Variants in NFATC1 observed in about 807,000 individuals in gnomAD.
The protein encoded by NFATC1 is nuclear factor of activated T cells 1, also known as nuclear factor of activated T-cells, cytoplasmic 1.
A neutral mutation model predicts 76.0 loss-of-function variants in NFATC1; 22 were observed. That is an observed-to-expected ratio of 0.29 (90% confidence interval 0.21 to 0.41). The LOEUF (loss-of-function observed/expected upper bound fraction) is 0.41. Among genes scored for constraint, NFATC1 ranks in the 10% least tolerant of loss-of-function variants. NFATC1 has a pLI of 1.00. For synonymous variants in NFATC1, 704 were observed against 613.1 expected (o/e 1.15, Z -2.19); for missense variants, 1,357 against 1,337.7 (o/e 1.01, Z -0.23).
At chr18:79,461,402 TC>T in intron 7 of NFATC1, 36 bp downstream of exon 7, 1 of 1,612,938 alleles carries the variant, frequency 6.2e-7, no homozygotes, top group Non-Finnish European at 8.5e-7. Flanking sequence ...CTACTGTGGG[TC>T]CCCAGGGCTT....
At chr18:79,478,155 AG>A (rs2089151468) in intron 8 of NFATC1, among the ~76,000 whole-genome samples, 1 of 124,656 alleles carries the variant, frequency 8.0e-6, no homozygotes, top group South Asian at 2.8e-4. Context: ...CCTGTGCTGC[AG>A]ACAGAGCCCC....
Position 79,464,763 on chromosome 18 carries a change from T to A in NFATC1, c.1960-2687T>A, listed in dbSNP as rs189216736. Among the ~76,000 whole-genome samples the A allele has an allele frequency of 2.9e-3, 433 of 149,392 alleles. 1 individual carries two copies. The highest frequency in any genetic ancestry group is 4.6e-3 in the Admixed American group (69 of 14,994). ...CTGTGTCATCCAGGCTGGAGTCCAG[T>A]GGCTTGATCATGGCTCACTGCAGCC... is the stretch of plus-strand genomic sequence containing the variant. On this transcript the variant is annotated intron_variant, in intron 7 of 9. Coordinates refer to ENST00000427363, the MANE Select transcript of NFATC1 (RefSeq NM_001278669.2).
intron 9 of NFATC1, among the ~76,000 whole-genome samples, chr18:79,516,647 G>A (rs2090392075): frequency 6.6e-6 from 1 of 152,178 alleles, no homozygotes; most frequent in South Asian, 2.1e-4. Flanking sequence ...ATATTTGCTT[G>A]TGAAGGAGGA....
chr18:79,521,485 G>GGA (rs2090566573), intron 9 of NFATC1, among the ~76,000 whole-genome samples: 1 of 41,262 alleles, frequency 2.4e-5, no homozygotes, highest in South Asian at 1.2e-3. Context: ...GTGTGTGGGG[G>GGA]GCATCCACTG....
intron 1 of NFATC1, among the ~76,000 whole-genome samples, chr18:79,408,839 TCATCCATC>T (rs906083008): frequency 6.6e-6 from 1 of 151,554 alleles, no homozygotes; most frequent in South Asian, 2.1e-4. Flanking sequence ...CATCCATCCA[TCATCCATC>T]CATCCATCAT....
chr18:79,477,156 T>C (rs2089107494), intron 8 of NFATC1, among the ~76,000 whole-genome samples: 1 of 152,232 alleles, frequency 6.6e-6, no homozygotes, highest in Non-Finnish European at 1.5e-5. Flanking sequence ...TTTTCTTTCA[T>C]TGTTTGAGAA....
chr18:79,487,566 G>A (rs1406379443), intron 9 of NFATC1, among the ~76,000 whole-genome samples: 2 of 152,244 alleles, frequency 1.3e-5, no homozygotes, highest in Non-Finnish European at 2.9e-5. Context: ...CCGCACACCT[G>A]GGGTTGTTAG....
intron 9 of NFATC1, among the ~76,000 whole-genome samples, chr18:79,521,138 CTGTG>C (rs760452230): frequency 2.0e-5 from 1 of 50,000 alleles, no homozygotes; most frequent in Non-Finnish European, 3.5e-5. Context: ...ATGTGTGTGT[CTGTG>C]TGTGTGTGTA....
In NFATC1 at chr18:79,486,493, G is replaced by T. The variant is rs376070934; in HGVS notation, c.2338G>T (p.Val780Phe). Residue 780 changes from valine to phenylalanine, a missense_variant, in exon 9 of 10, where the codon GTT (valine) becomes TTT (phenylalanine). By Grantham distance (50) the Val-to-Phe change is conservative (BLOSUM62 -1). This residue lies in a region of NFATC1 where 424 missense variants were observed against 395.4 expected (regional missense o/e 1.07). Transcript: ENST00000427363. ...TTCTCCCGCTGCCTACACCAAGGGCGTTGCCAGCCCGGGCCACTGTCACCT... is the reference window on the plus strand; with the variant it reads ...TTCTCCCGCTGCCTACACCAAGGGCTTTGCCAGCCCGGGCCACTGTCACCT... ...DLSPAAYTKG[V>F]ASPGHCHLGL... The T allele has an allele frequency of 1.4e-5, 23 of 1,606,006 alleles. No homozygotes were observed. The highest frequency in any genetic ancestry group is 1.9e-5 in the Non-Finnish European group (22 of 1,179,594).
intron 1 of NFATC1, among the ~76,000 whole-genome samples, chr18:79,403,497 G>A (rs935852083): frequency 1.3e-5 from 2 of 152,236 alleles, no homozygotes; most frequent in Admixed American, 1.3e-4. Context: ...TTCGCTGTCA[G>A]CTGGGAGGCG....
rs780915769 is a variant in NFATC1 at position 79,411,403 on chromosome 18, C to T, written c.1128C>T (p.His376=). The T allele has an allele frequency of 9.6e-6, 15 of 1,566,526 alleles. No homozygotes were observed. The highest frequency in any genetic ancestry group is 3.5e-4 in the Middle Eastern group (2 of 5,784). Residue 376 remains histidine (H), a synonymous_variant, in exon 2 of 10, where the codon CAC becomes CAT. Coordinates refer to ENST00000427363, the MANE Select transcript of NFATC1 (RefSeq NM_001278669.2). The stretch of plus-strand genomic sequence containing the variant: ...CCGAAGACTACTCCTCTTTCCAGCA[C>T]ATCAGGAAGGGCGGCTTCTGCGACC... ...FAPEDYSSFQ[H]IRKGGFCDQY...
chr18:79,510,886 G>GCATCCTCCGCCGGGA (rs2090231423), intron 9 of NFATC1, among the ~76,000 whole-genome samples: 2 of 124,544 alleles, frequency 1.6e-5, no homozygotes, highest in South Asian at 4.8e-4. Flanking sequence ...TTCCGCCGGG[G>GCATCCTCCGCCGGGA]CATCCTCCGC....
At chr18:79,414,865 G>A (rs62096877) in intron 2 of NFATC1, among the ~76,000 whole-genome samples, 20,508 of 152,236 alleles carry the variant, frequency 0.13, 1,686 homozygotes, top group Middle Eastern at 0.2. Context: ...AGGCGTTGCC[G>A]GGCTGCGTCT....
chr18:79,492,584 C>G (rs1277792782), intron 9 of NFATC1, among the ~76,000 whole-genome samples: 2 of 152,126 alleles, frequency 1.3e-5, no homozygotes, highest in African/African-American at 4.8e-5. Context: ...TGGCGGGCGC[C>G]TGTAGTCCCA....
At chr18:79,416,476 G>C (rs2085879665) in intron 2 of NFATC1, among the ~76,000 whole-genome samples, 1 of 152,110 alleles carries the variant, frequency 6.6e-6, no homozygotes, top group Non-Finnish European at 1.5e-5. Context: ...GAGCCAGACT[G>C]TCCGCGGGCG....
intron 1 of NFATC1, chr18:79,400,367 C>CCG: frequency 4.9e-6 from 7 of 1,434,228 alleles, no homozygotes; most frequent in Non-Finnish European, 6.4e-6. Flanking sequence ...CCCCGGCTCC[C>CCG]GCCCCGGCCC....
chr18:79,477,561 A>G (rs1200384379), intron 8 of NFATC1, among the ~76,000 whole-genome samples: 1 of 146,160 alleles, frequency 6.8e-6, no homozygotes, highest in East Asian at 2.0e-4. Flanking sequence ...TACCGGCCGT[A>G]CTGTTGGTGG....
intron 6 of NFATC1, among the ~76,000 whole-genome samples, chr18:79,460,034 A>G (rs1180362312): frequency 6.6e-6 from 1 of 152,020 alleles, no homozygotes; most frequent in East Asian, 1.9e-4. Flanking sequence ...TTTTTTTCCT[A>G]GAGGAGAGAG....
At chr18:79,438,519 C>G (rs757617699) in intron 3 of NFATC1, among the ~76,000 whole-genome samples, 1 of 152,228 alleles carries the variant, frequency 6.6e-6, no homozygotes, top group African/African-American at 2.4e-5. Flanking sequence ...CCGATAGCAT[C>G]TCACCCATCA....
Sources: gnomAD v4.1 joint callset for allele counts (sites outside exome capture counted in the v4.1 genomes callset) on GRCh38, gnomAD v4.1.1 for gene constraint, gnomAD v4.1.1 regional missense constraint, MANE v1.5 for transcripts, NCBI Gene and HGNC (gene_info 2026-07-23, HGNC 2026-07-21) for gene names.